The following PARN variants were observed in gnomAD, a reference collection of about 807,000 sequenced individuals.
The protein encoded by PARN is poly(A)-specific ribonuclease.
In PARN, 71 loss-of-function variants were observed where a neutral mutation model predicts 102.8. That is an observed-to-expected ratio of 0.69 (90% CI 0.57 to 0.84). PARN has a LOEUF of 0.84. Among genes scored for constraint, PARN ranks in the 40% least tolerant of loss-of-function variants. The probability of loss-of-function intolerance (pLI) is 0.00; values close to 1 mark genes in which losing one functional copy is unlikely to be tolerated. For synonymous variants in PARN, 261 were observed against 252.9 expected, an observed-to-expected ratio of 1.03 and a Z score of -0.30; for missense variants, 782 against 760.9, an observed-to-expected ratio of 1.03 and a Z score of -0.33.
intron 21 of PARN, among the ~76,000 whole-genome samples, chr16:14,534,432 A>G (rs1024981763): frequency 2.0e-5 from 3 of 152,208 alleles, no homozygotes; most frequent in African/African-American, 7.2e-5. Flanking sequence ...ATATAATCAC[A>G]GAAGTGCATA....
At chr16:14,557,941 T>C (rs925170829) in intron 18 of PARN, among the ~76,000 whole-genome samples, 3 of 152,190 alleles carry the variant, frequency 2.0e-5, no homozygotes, top group African/African-American at 4.8e-5. Flanking sequence ...GGAACTATCA[T>C]TATTTTCGCC....
At chr16:14,439,424 G>C (rs556307435) in intron 23 of PARN, among the ~76,000 whole-genome samples, 52 of 144,700 alleles carry the variant, frequency 3.6e-4, no homozygotes, top group African/African-American at 1.3e-3. Context: ...AGAAGACAGG[G>C]AGGGAGGGAG....
At chr16:14,617,367 G>C (rs1397094581) in intron 6 of PARN, among the ~76,000 whole-genome samples, 1 of 129,574 alleles carries the variant, frequency 7.7e-6, no homozygotes, top group South Asian at 2.6e-4. Flanking sequence ...CTGGGCAACA[G>C]AGCGAGACTC....
intron 21 of PARN, chr16:14,501,557 C>G (rs1256297318): frequency 6.6e-6 from 1 of 151,664 alleles, no homozygotes; most frequent in African/African-American, 2.4e-5. Flanking sequence ...TCTTACCCCA[C>G]CCTGATGTGG....
At chr16:14,441,876 T>G (rs1279951469) in intron 23 of PARN, among the ~76,000 whole-genome samples, 1 of 152,152 alleles carries the variant, frequency 6.6e-6, no homozygotes, top group Non-Finnish European at 1.5e-5. Flanking sequence ...CTGCTCTAAT[T>G]AGGTTCTAAA....
At chr16:14,621,334 AT>A (rs1972281867) in intron 5 of PARN, among the ~76,000 whole-genome samples, 1 of 152,202 alleles carries the variant, frequency 6.6e-6, no homozygotes, top group Admixed American at 6.5e-5. Flanking sequence ...ACTTTCCTTT[AT>A]CCCACTGAAT....
chr16:14,495,569 C>T (rs2151617186), intron 21 of PARN, among the ~76,000 whole-genome samples: 1 of 152,326 alleles, frequency 6.6e-6, no homozygotes. Context: ...TCAGTAAGAA[C>T]AGGCTCTGTG....
chr16:14,478,277 C>T (rs1267700391), intron 22 of PARN, among the ~76,000 whole-genome samples: 1 of 152,094 alleles, frequency 6.6e-6, no homozygotes, highest in Non-Finnish European at 1.5e-5. Flanking sequence ...GATTATGCCA[C>T]AGCACTCTAG....
intron 3 of PARN, 135 bp from the exon 4 acceptor site, chr16:14,627,471 C>T (rs943217786): frequency 1.1e-5 from 7 of 640,454 alleles, no homozygotes; most frequent in Non-Finnish European, 2.0e-5. Context: ...ACAGATTACA[C>T]ATATGAATCA....
At chr16:14,491,714 G>A (rs1161548767) in intron 21 of PARN, among the ~76,000 whole-genome samples, 1 of 152,124 alleles carries the variant, frequency 6.6e-6, no homozygotes, top group Non-Finnish European at 1.5e-5. Flanking sequence ...TGAGGCTGCA[G>A]TAAGCCAAGA....
intron 21 of PARN, among the ~76,000 whole-genome samples, chr16:14,536,540 C>T (rs1269024390): frequency 6.6e-6 from 1 of 152,126 alleles, no homozygotes; most frequent in Non-Finnish European, 1.5e-5. Context: ...CACAGTGGTA[C>T]CTGCTTTCTA....
Position 14,626,096 on chromosome 16 carries a change from G to A in PARN, c.327+1010C>T, listed in dbSNP as rs184520358. ...ATCAATTAAGCTCTCTTCTCCTCAA[G>A]AGAAACAGTAGTTTTTTTTTCTACC... On this transcript the variant is annotated intron_variant, in intron 5 of 23. Coordinates refer to ENST00000437198, the MANE Select transcript of PARN (RefSeq NM_002582.4). Among the ~76,000 whole-genome samples the A allele has an allele frequency of 2.0e-3, 302 of 152,256 alleles. 3 individuals are homozygous for A. The highest frequency in any genetic ancestry group is 7.0e-3 in the African/African-American group (291 of 41,548).
chr16:14,562,853 G>C (rs1356987891), intron 18 of PARN, among the ~76,000 whole-genome samples: 1 of 152,102 alleles, frequency 6.6e-6, no homozygotes, highest in African/African-American at 2.4e-5. Context: ...TTACCACAAA[G>C]CTTCAGACAC....
intron 22 of PARN, among the ~76,000 whole-genome samples, chr16:14,480,561 T>C (rs1407715906): frequency 6.6e-6 from 1 of 152,204 alleles, no homozygotes. Flanking sequence ...GAACATTAAA[T>C]GGTCGTCAAT....
At chr16:14,570,684 A>G (rs1243283338) in intron 18 of PARN, among the ~76,000 whole-genome samples, 11 of 150,756 alleles carry the variant, frequency 7.3e-5, no homozygotes, top group Admixed American at 6.6e-4. Flanking sequence ...AAGAAAAAAG[A>G]AAAAGGAAAG....
At chr16:14,476,331 T>C (rs1166647219) in intron 22 of PARN, among the ~76,000 whole-genome samples, 1 of 152,212 alleles carries the variant, frequency 6.6e-6, no homozygotes, top group Admixed American at 6.5e-5. Context: ...TCACAACCCA[T>C]CTCATTTTGG....
At chr16:14,492,932 C>T (rs1596507671) in intron 21 of PARN, among the ~76,000 whole-genome samples, 1 of 152,272 alleles carries the variant, frequency 6.6e-6, no homozygotes, top group Middle Eastern at 3.4e-3. Flanking sequence ...ACCTACCTTA[C>T]AAAGCTTTTA....
At chr16:14,587,330 G>A (rs912767172) in intron 13 of PARN, among the ~76,000 whole-genome samples, 45 of 152,144 alleles carry the variant, frequency 3.0e-4, no homozygotes, top group Admixed American at 2.1e-3. Flanking sequence ...GGAGAATTAC[G>A]GCCACCTCCA....
At chr16:14,459,880 G>C (rs1961868854) in intron 22 of PARN, among the ~76,000 whole-genome samples, 1 of 152,142 alleles carries the variant, frequency 6.6e-6, no homozygotes, top group African/African-American at 2.4e-5. Context: ...CTAAGGAGTT[G>C]TAATTCAGTA....
Sources: gnomAD v4.1 joint callset for allele counts (sites outside exome capture counted in the v4.1 genomes callset) on GRCh38, gnomAD v4.1.1 for gene constraint, MANE v1.5 for transcripts, NCBI Gene and HGNC (gene_info 2026-07-23, HGNC 2026-07-21) for gene names.